The following L3MBTL4 variants were observed in gnomAD, a reference collection of about 807,000 sequenced individuals.
L3MBTL4 encodes lethal(3)malignant brain tumor-like protein 4.
L3MBTL4 carries 70 observed loss-of-function variants against 84.5 expected under a neutral mutation model. That is an observed-to-expected ratio of 0.83 (90% CI 0.68 to 1.01). The LOEUF (loss-of-function observed/expected upper bound fraction) is 1.01, where lower values mean the gene tolerates loss of function less well. L3MBTL4 is among the 50% of genes least tolerant of loss of function. The pLI, the probability that L3MBTL4 is intolerant of heterozygous loss-of-function variation, is 0.00. For missense variants in L3MBTL4, 715 were observed against 754.8 expected (o/e 0.95, Z 0.62); for synonymous variants, 274 against 259.8 (o/e 1.05, Z -0.52).
At chr18:5,984,205 C>A (rs1299265782) in intron 16 of L3MBTL4, among the ~76,000 whole-genome samples, 9 of 152,216 alleles carry the variant, frequency 5.9e-5, no homozygotes, top group Admixed American at 5.9e-4. Flanking sequence ...AGCCACCGCA[C>A]CCTGCCCATC....
At chr18:6,390,524 A>G (rs77983297) in intron 1 of L3MBTL4, among the ~76,000 whole-genome samples, 3,254 of 152,278 alleles carry the variant, frequency 0.021, 59 homozygotes, top group Middle Eastern at 0.058. Flanking sequence ...CAAAAGATCA[A>G]TGAAACAAAA....
chr18:6,112,749 A>G (rs1490473652), intron 14 of L3MBTL4, among the ~76,000 whole-genome samples: 1 of 152,220 alleles, frequency 6.6e-6, no homozygotes, highest in Non-Finnish European at 1.5e-5. Context: ...GGAAGTTTAA[A>G]GAATATAGTG....
intron 14 of L3MBTL4, among the ~76,000 whole-genome samples, chr18:6,095,511 C>T (rs941100883): frequency 4.6e-5 from 7 of 152,008 alleles, no homozygotes; most frequent in Non-Finnish European, 8.8e-5. Flanking sequence ...CAACCACACC[C>T]GGCTAATTTT....
At chr18:6,154,219 T>C (rs1225792080) in intron 13 of L3MBTL4, among the ~76,000 whole-genome samples, 3 of 152,196 alleles carry the variant, frequency 2.0e-5, no homozygotes, top group Admixed American at 6.5e-5. Context: ...TGTCTATTTC[T>C]CTATTCACAT....
intron 4 of L3MBTL4, among the ~76,000 whole-genome samples, chr18:6,269,553 T>A (rs2048779728): frequency 6.6e-6 from 1 of 152,206 alleles, no homozygotes. Flanking sequence ...TTCACTGATC[T>A]ATTCATCCCA....
At chr18:6,180,622 G>T (rs2044425736) in intron 12 of L3MBTL4, among the ~76,000 whole-genome samples, 2 of 152,068 alleles carry the variant, frequency 1.3e-5, no homozygotes, top group African/African-American at 2.4e-5. Flanking sequence ...TTCACTATAG[G>T]TATTCTAAAC....
chr18:6,117,807 T>C (rs2059402395), intron 14 of L3MBTL4, among the ~76,000 whole-genome samples: 1 of 152,250 alleles, frequency 6.6e-6, no homozygotes, highest in South Asian at 2.1e-4. Flanking sequence ...ATGTCATTGT[T>C]AGTAATGACA....
rs1372184773 is a variant in L3MBTL4, at chr18:6,238,025, G to T, written c.723C>A (p.Ser241Arg). 6.2e-7 allele frequency: 1 copy of T among 1,614,004 alleles called. No individual in the cohort carries two copies. Among genetic ancestry groups the T allele is most frequent in the Non-Finnish European group, 8.5e-7 (1 of 1,179,920 alleles). The change falls in exon 10 of 19, where the codon AGC becomes AGA. Residue 241 changes from serine to arginine, a missense_variant. Transcript: ENST00000317931. Reference sequence around the variant, plus strand: ...ACCAACCAACTGGCTGGACATAAGGGCTATTAACATCGCACCTGCAAAAAC... The same window carrying T: ...ACCAACCAACTGGCTGGACATAAGGTCTATTAACATCGCACCTGCAAAAAC... ...DSYDYWCDVN[S>R]PYVQPVGWCQ...
In L3MBTL4 at chr18:5,983,010, T is replaced by C. The variant is rs551973877; in HGVS notation, c.1445-13448A>G. On this transcript the variant is annotated intron_variant, in intron 16 of 18. Transcript: ENST00000317931. ...AGGCTTCATCACCTCAGCAGAAAGA[T>C]GACAATTTCCTTAAGTCTTTTACTC... Among the ~76,000 whole-genome samples the C allele has an allele frequency of 5.2e-4, 79 of 152,306 alleles. No individual in the cohort carries two copies. The South Asian group carries it at 0.015, about 29-fold the overall frequency.
chr18:6,237,846 G>A (rs1415974209), intron 10 of L3MBTL4, 118 bp downstream of exon 10: 2 of 772,534 alleles, frequency 2.6e-6, no homozygotes, highest in African/African-American at 1.8e-5. Context: ...ATCTCACATA[G>A]TGTTTTTATC....
At chr18:6,013,805 C>A (rs976982779) in intron 16 of L3MBTL4, among the ~76,000 whole-genome samples, 6 of 152,204 alleles carry the variant, frequency 3.9e-5, no homozygotes, top group African/African-American at 1.4e-4. Context: ...TATTAGGCAA[C>A]CAGAAATATT....
At chr18:6,083,717 C>T (rs1334106792) in intron 15 of L3MBTL4, among the ~76,000 whole-genome samples, 1 of 152,168 alleles carries the variant, frequency 6.6e-6, no homozygotes, top group Non-Finnish European at 1.5e-5. Flanking sequence ...GCATCCTAAA[C>T]AATCTTCAGT....
rs184248913 is a variant in L3MBTL4 at position 6,254,405 on chromosome 18, G to A, written c.219+9542C>T. 2.3e-3 allele frequency among the ~76,000 whole-genome samples: 328 copies of A among 141,256 alleles called. 1 individual carries two copies. The highest frequency in any genetic ancestry group is 8.2e-3 in the African/African-American group (314 of 38,230). The allele number at this position is 141,256 out of a possible 152,430, so 92.7% of individuals were successfully genotyped here. On this transcript the variant is annotated intron_variant, in intron 5 of 18. Coordinates refer to ENST00000317931, the MANE Select transcript of L3MBTL4 (RefSeq NM_001330559.2). ...ATGCTTCAAATTCCGCTTTTTCAAAGTGACACCTTTTTTTTTTTTTTTTTT... is the reference window on the plus strand; with the variant it reads ...ATGCTTCAAATTCCGCTTTTTCAAAATGACACCTTTTTTTTTTTTTTTTTT...
intron 16 of L3MBTL4, among the ~76,000 whole-genome samples, chr18:6,043,091 G>C (rs577334250): frequency 6.6e-6 from 1 of 152,222 alleles, no homozygotes; most frequent in East Asian, 1.9e-4. Context: ...TCCAAGTCCT[G>C]TTGATGCTCA....
chr18:6,135,547 AATC>A (rs2060004944), intron 14 of L3MBTL4, among the ~76,000 whole-genome samples: 1 of 152,134 alleles, frequency 6.6e-6, no homozygotes, highest in African/African-American at 2.4e-5. Flanking sequence ...AGATACCCTA[AATC>A]ATCTTTCTCA....
At chr18:6,412,785 G>A (rs7238834) in intron 1 of L3MBTL4, among the ~76,000 whole-genome samples, 11,175 of 152,142 alleles carry the variant, frequency 0.073, 832 homozygotes, top group African/African-American at 0.19. Context: ...AAGAAGTGTC[G>A]TTTAAGATAT....
At chr18:6,411,226 A>G (rs1277096587) in intron 1 of L3MBTL4, among the ~76,000 whole-genome samples, 3 of 152,030 alleles carry the variant, frequency 2.0e-5, no homozygotes, top group Non-Finnish European at 4.4e-5. Context: ...AGATGCCGAT[A>G]TTTATACTGC....
chr18:5,983,551 G>A (rs1222364319), intron 16 of L3MBTL4, among the ~76,000 whole-genome samples: 3 of 152,208 alleles, frequency 2.0e-5, no homozygotes, highest in Middle Eastern at 3.4e-3. Flanking sequence ...TGAAGCTAGC[G>A]TTTGAAGAAG....
At chr18:6,088,286 C>T (rs1299241930) in intron 15 of L3MBTL4, among the ~76,000 whole-genome samples, 1 of 152,172 alleles carries the variant, frequency 6.6e-6, no homozygotes, top group Non-Finnish European at 1.5e-5. Flanking sequence ...GGCTGGCCAC[C>T]ATCCTTGGCA....
Sources: gnomAD v4.1 joint callset for allele counts (sites outside exome capture counted in the v4.1 genomes callset) on GRCh38, gnomAD v4.1.1 for gene constraint, MANE v1.5 for transcripts, NCBI Gene and HGNC (gene_info 2026-07-23, HGNC 2026-07-21) for gene names.